The following ACTRT2 variants were observed in gnomAD, a reference collection of about 807,000 sequenced individuals.
ACTRT2 encodes the protein actin-related protein T2.
ACTRT2 carries 1 observed loss-of-function variant against 1.2 expected under a neutral mutation model. The ratio of observed to expected loss-of-function variants is 0.80; its 90% CI spans 0.29 to 3.81. ACTRT2 has a LOEUF of 3.81. ACTRT2 is among the 30% of genes most tolerant of loss of function. The probability of loss-of-function intolerance (pLI) is 0.18; values close to 1 mark genes in which losing one functional copy is unlikely to be tolerated. For synonymous variants in ACTRT2, 262 were observed against 228.9 expected, an observed-to-expected ratio of 1.14 and a Z score of -1.30; for missense variants, 488 against 497.9, an observed-to-expected ratio of 0.98 and a Z score of 0.19.
At position 3,022,838 on chromosome 1, in the gene ACTRT2, G is replaced by T. The variant is rs1430816497; in HGVS notation, c.*18G>T. 1 of 1,592,654 alleles carries T rather than the reference G, an allele frequency of 6.3e-7. No individual in the cohort carries two copies. Among genetic ancestry groups the T allele is most frequent in the Non-Finnish European group, 8.6e-7 (1 of 1,166,434 alleles). ...GCTTCTGAAGGCCGCTTCTCGTTGG[G>T]TACCGTGGGGGGTGAACCCTAGCCC... is the stretch of plus-strand genomic sequence containing the variant. On this transcript the variant is annotated 3_prime_UTR_variant, in exon 1 of 1. Transcript: ENST00000378404. The surrounding 1 kb of genome is among the most constrained non-coding windows in gnomAD (Gnocchi z 7.7).
chr1:3,022,388 G>A lies in ACTRT2; in HGVS notation c.702G>A (p.Arg234=), dbSNP rs1641089241. Residue 234 remains arginine, a synonymous_variant, in exon 1 of 1, where the codon AGG becomes AGA. Transcript: ENST00000378404. The surrounding 1 kb of genome is among the most constrained non-coding windows in gnomAD (Gnocchi z 7.7). ...AGCCCGAGAAGGAGCTTTCCCGGAG[G>A]CCGGAGGAGGTCCTGAGGGAGTACA... ...ALEPEKELSR[R]PEEVLREYKL... 2 of 1,612,796 alleles carry A rather than the reference G, an allele frequency of 1.2e-6. No individual in the cohort carries two copies.
Position 3,021,843 on chromosome 1 carries a change from CA to C in ACTRT2, c.158del (p.Gln53ArgfsTer27). ...CCAGGCTCCCTCAGCAGAGGCCAACCAGAAGAAGTACTTTGTGGGGGAGGAG... is the reference window on the plus strand; with the variant it reads ...CCAGGCTCCCTCAGCAGAGGCCAACCGAAGAAGTACTTTGTGGGGGAGGAG... Reference protein sequence around the residue: ...KFQAPSAEANQKKYFVGEEAL... With the variant: ...KFQAPSAEANXKKYFVGEEAL... On this transcript the variant is annotated frameshift_variant, in exon 1 of 1. Transcript: ENST00000378404. LOFTEE classifies it low-confidence loss of function (END_TRUNC). 3.1e-6 allele frequency: 5 copies of C among 1,613,240 alleles called. No individual in the cohort carries two copies. The highest frequency in any genetic ancestry group is 4.2e-6 in the Non-Finnish European group (5 of 1,179,932).
In ACTRT2 at chr1:3,022,255, C is replaced by A. The variant is rs774532554; in HGVS notation, c.569C>A (p.Thr190Lys). The A allele has an allele frequency of 1.2e-6, 2 of 1,612,902 alleles. No individual in the cohort carries two copies. Among genetic ancestry groups the A allele is most frequent in the Admixed American group, 3.3e-5 (2 of 60,022 alleles). The change falls in exon 1 of 1, where the codon ACG becomes AAG. Residue 190 changes from threonine to lysine, a missense_variant. Thr to Lys is a moderately conservative substitution (Grantham distance 78). Transcript: ENST00000378404. The surrounding 1 kb of genome is among the most constrained non-coding windows in gnomAD (Gnocchi z 7.7). ...TKLHVAGRDI[T>K]ELLMQLLLAS... ...CTCCACGTGGCGGGCAGGGACATCA[C>A]GGAGCTCCTCATGCAGCTGCTCCTG...
In ACTRT2 at chr1:3,022,649, G is replaced by T; in HGVS notation, c.963G>T (p.Gln321His). Reference sequence around the variant, plus strand: ...ACCGGCTTCTCAAGGAGCTGGAGCAGCTGGCCTCCAAGGACACCCCCATCA... The same window carrying T: ...ACCGGCTTCTCAAGGAGCTGGAGCATCTGGCCTCCAAGGACACCCCCATCA... Reference protein sequence around the residue: ...LDDRLLKELEQLASKDTPIKI... With the variant: ...LDDRLLKELEHLASKDTPIKI... The change falls in exon 1 of 1, where the codon CAG becomes CAT. Residue 321 changes from glutamine (Q) to histidine (H), a missense_variant. By Grantham distance (24) the Gln-to-His change is conservative (BLOSUM62 0). Transcript: ENST00000378404. The surrounding 1 kb of genome is among the most constrained non-coding windows in gnomAD (Gnocchi z 7.7). 19 of 1,613,248 alleles carry T rather than the reference G, an allele frequency of 1.2e-5. No individual in the cohort carries two copies. Among genetic ancestry groups the T allele is most frequent in the Non-Finnish European group, 1.6e-5 (19 of 1,180,038 alleles).
chr1:3,022,121 T>C lies in ACTRT2; in HGVS notation c.435T>C (p.Ala145=), dbSNP rs1411429781. The change falls in exon 1 of 1, where the codon GCT becomes GCC. Residue 145 remains alanine, a synonymous_variant. Coordinates refer to ENST00000378404, the MANE Select transcript of ACTRT2 (RefSeq NM_080431.5). This position sits in a 1 kb window ranked among gnomAD's most constrained non-coding sequence, Gnocchi z 7.7. ...AFYLSDQAVL[A]LYASACVTGL... is the part of the protein sequence containing the mutation. ...ACCTGTCGGACCAGGCGGTGCTGGCTCTCTACGCCTCTGCCTGTGTCACGG... is the reference window on the plus strand; with the variant it reads ...ACCTGTCGGACCAGGCGGTGCTGGCCCTCTACGCCTCTGCCTGTGTCACGG... 1 of 1,613,098 alleles carries C rather than the reference T, an allele frequency of 6.2e-7. No homozygotes were observed. Among genetic ancestry groups the C allele is most frequent in the Non-Finnish European group, 8.5e-7 (1 of 1,180,032 alleles).
rs1557759551 is a variant in ACTRT2, at chr1:3,022,524, G to A, written c.838G>A (p.Val280Ile). 6.2e-7 allele frequency: 1 copy of A among 1,612,948 alleles called. No homozygotes were observed. The change falls in exon 1 of 1, where the codon GTC becomes ATC. Residue 280 changes from valine (V) to isoleucine (I), a missense_variant. Coordinates refer to ENST00000378404, the MANE Select transcript of ACTRT2 (RefSeq NM_080431.5). The surrounding 1 kb of genome is among the most constrained non-coding windows in gnomAD (Gnocchi z 7.7). Reference protein sequence around the residue: ...GSQSPGLSNMVSSSITKCDTD... With the variant: ...GSQSPGLSNMISSSITKCDTD... ...CCAGAGCCCCGGGCTCTCGAATATG[G>A]TCTCCAGCAGCATCACCAAGTGTGA...
Position 3,021,679 on chromosome 1 carries a change from C to T in ACTRT2, c.-8C>T. The T allele has an allele frequency of 6.2e-7, 1 of 1,604,588 alleles. No homozygotes were observed. Among genetic ancestry groups the T allele is most frequent in the South Asian group, 1.1e-5 (1 of 89,960 alleles). Reference sequence around the variant, plus strand: ...TTTTGATGAGGCTGAGAAGGGAAGGCTGCGGGCATGTTTAATCCGCACGCT... The same window carrying T: ...TTTTGATGAGGCTGAGAAGGGAAGGTTGCGGGCATGTTTAATCCGCACGCT... On this transcript the variant is annotated 5_prime_UTR_variant, in exon 1 of 1. Coordinates refer to ENST00000378404, the MANE Select transcript of ACTRT2 (RefSeq NM_080431.5).
Position 3,021,716 on chromosome 1 carries a change from G to A in ACTRT2, c.30G>A (p.Pro10=), listed in dbSNP as rs537523674. MFNPHALDS[P]AVIFDNGSGF... is the part of the protein sequence containing the mutation. Reference sequence around the variant, plus strand: ...TTAATCCGCACGCTTTAGACTCCCCGGCTGTGATTTTTGACAATGGCTCGG... The same window carrying A: ...TTAATCCGCACGCTTTAGACTCCCCAGCTGTGATTTTTGACAATGGCTCGG... The change falls in exon 1 of 1, where the codon CCG becomes CCA. Residue 10 remains proline, a synonymous_variant. Transcript: ENST00000378404. 7.4e-6 allele frequency: 12 copies of A among 1,613,836 alleles called. No individual in the cohort carries two copies. Among genetic ancestry groups the A allele is most frequent in the Middle Eastern group, 1.7e-4 (1 of 6,036 alleles).
At position 3,022,153 on chromosome 1, in the gene ACTRT2, T is replaced by A. The variant is rs1350012568; in HGVS notation, c.467T>A (p.Val156Glu). 2 of 1,613,160 alleles carry A rather than the reference T, an allele frequency of 1.2e-6. No homozygotes were observed. Among genetic ancestry groups the A allele is most frequent in the Non-Finnish European group, 1.7e-6 (2 of 1,180,038 alleles). The change falls in exon 1 of 1, where the codon GTG (valine) becomes GAG (glutamate). Residue 156 changes from valine (V) to glutamate (E), a missense_variant. By Grantham distance (121) the Val-to-Glu change is moderately radical. Transcript: ENST00000378404. The surrounding 1 kb of genome is among the most constrained non-coding windows in gnomAD (Gnocchi z 7.7). Reference protein sequence around the residue: ...LYASACVTGLVVDSGDAVTCT... With the variant: ...LYASACVTGLEVDSGDAVTCT... ...GCCTCTGCCTGTGTCACGGGCCTGG[T>A]GGTGGACAGCGGGGATGCGGTCACC...
At position 3,022,846 on chromosome 1, in the gene ACTRT2, G is replaced by C. The variant is rs1303905075; in HGVS notation, c.*26G>C. Reference sequence around the variant, plus strand: ...AGGCCGCTTCTCGTTGGGTACCGTGGGGGGTGAACCCTAGCCCCAGCTTTG... The same window carrying C: ...AGGCCGCTTCTCGTTGGGTACCGTGCGGGGTGAACCCTAGCCCCAGCTTTG... On this transcript the variant is annotated 3_prime_UTR_variant, in exon 1 of 1. Coordinates refer to ENST00000378404, the MANE Select transcript of ACTRT2 (RefSeq NM_080431.5). This position sits in a 1 kb window ranked among gnomAD's most constrained non-coding sequence, Gnocchi z 7.7. The C allele has an allele frequency of 1.9e-6, 3 of 1,585,262 alleles. No individual in the cohort carries two copies. The African/African-American group carries it at 4.1e-5, about 21-fold the overall frequency.
Position 3,022,247 on chromosome 1 carries a change from G to C in ACTRT2, c.561G>C (p.Arg187Ser), listed in dbSNP as rs1374071143. The C allele has an allele frequency of 2.5e-6, 4 of 1,612,802 alleles. No individual in the cohort carries two copies. The South Asian group carries it at 3.3e-5, about 13-fold the overall frequency. ...TCACCAAGCTCCACGTGGCGGGCAGGGACATCACGGAGCTCCTCATGCAGC... is the reference window on the plus strand; with the variant it reads ...TCACCAAGCTCCACGTGGCGGGCAGCGACATCACGGAGCTCCTCATGCAGC... ...HAVTKLHVAG[R>S]DITELLMQLL... The change falls in exon 1 of 1, where the codon AGG becomes AGC. Residue 187 changes from arginine (R) to serine (S), a missense_variant. Transcript: ENST00000378404. This position sits in a 1 kb window ranked among gnomAD's most constrained non-coding sequence, Gnocchi z 7.7.
rs770208475 is a variant in ACTRT2 at position 3,022,414 on chromosome 1, A to G, written c.728A>G (p.Lys243Arg). The G allele has an allele frequency of 1.9e-6, 3 of 1,612,936 alleles. No individual in the cohort carries two copies. Among genetic ancestry groups the G allele is most frequent in the Non-Finnish European group, 2.5e-6 (3 of 1,180,030 alleles). The change falls in exon 1 of 1, where the codon AAG (lysine) becomes AGG (arginine). Residue 243 changes from lysine to arginine, a missense_variant. Coordinates refer to ENST00000378404, the MANE Select transcript of ACTRT2 (RefSeq NM_080431.5). This position sits in a 1 kb window ranked among gnomAD's most constrained non-coding sequence, Gnocchi z 7.7. ...RRPEEVLREY[K>R]LPDGNIISLG... is the part of the protein sequence containing the mutation. ...CCGGAGGAGGTCCTGAGGGAGTACA[A>G]GCTGCCCGACGGGAACATCATCAGC...
Position 3,022,606 on chromosome 1 carries a change from T to C in ACTRT2, c.920T>C (p.Leu307Pro), listed in dbSNP as rs1270585634. 6.2e-7 allele frequency: 1 copy of C among 1,613,032 alleles called. No homozygotes were observed. The highest frequency in any genetic ancestry group is 2.2e-5 in the East Asian group (1 of 44,864). ...ATTGTGCTGTCGGGGGGCACTACCCTGTTCCACGGGCTGGATGACCGGCTT... is the reference window on the plus strand; with the variant it reads ...ATTGTGCTGTCGGGGGGCACTACCCCGTTCCACGGGCTGGATGACCGGCTT... ...GEIVLSGGTT[L>P]FHGLDDRLLK... Residue 307 changes from leucine to proline, a missense_variant, in exon 1 of 1, where the codon CTG (leucine) becomes CCG (proline). Coordinates refer to ENST00000378404, the MANE Select transcript of ACTRT2 (RefSeq NM_080431.5). The surrounding 1 kb of genome is among the most constrained non-coding windows in gnomAD (Gnocchi z 7.7).
At position 3,022,347 on chromosome 1, in the gene ACTRT2, T is replaced by C; in HGVS notation, c.661T>C (p.Cys221Arg). 1.2e-6 allele frequency: 2 copies of C among 1,612,868 alleles called. No homozygotes were observed. The highest frequency in any genetic ancestry group is 2.2e-5 in the East Asian group (1 of 44,848). Residue 221 changes from cysteine (C) to arginine (R), a missense_variant, in exon 1 of 1, where the codon TGC becomes CGC. Transcript: ENST00000378404. The surrounding 1 kb of genome is among the most constrained non-coding windows in gnomAD (Gnocchi z 7.7). ...GLVDDIKKKLCYVALEPEKEL... is the reference protein window; with the variant it reads ...GLVDDIKKKLRYVALEPEKEL... ...CGTGGACGACATCAAAAAGAAGCTG[T>C]GCTACGTGGCCTTGGAGCCCGAGAA... is the stretch of plus-strand genomic sequence containing the variant.
chr1:3,021,630 G>GA lies in ACTRT2; in HGVS notation c.-57_-56insA. 6.4e-6 allele frequency: 10 copies of GA among 1,553,462 alleles called. No individual in the cohort carries two copies. The highest frequency in any genetic ancestry group is 6.9e-6 in the Non-Finnish European group (8 of 1,151,602). ...GTGGGATCCCCTATTGCATCACAAA[G>GA]CGGCCCTGGAGGGCTGGTCTTTATT... is the stretch of plus-strand genomic sequence containing the variant. On this transcript the variant is annotated 5_prime_UTR_variant, in exon 1 of 1. Transcript: ENST00000378404.
rs61745279 is a variant in ACTRT2 at position 3,022,322 on chromosome 1, C to T, written c.636C>T (p.Leu212=). ...TCCCCTGCCAGCTGGACAAGGGTCT[C>T]GTGGACGACATCAAAAAGAAGCTGT... ...HTFPCQLDKG[L]VDDIKKKLCY... The change falls in exon 1 of 1, where the codon CTC becomes CTT. Residue 212 remains leucine, a synonymous_variant. Transcript: ENST00000378404. This position sits in a 1 kb window ranked among gnomAD's most constrained non-coding sequence, Gnocchi z 7.7. The T allele has an allele frequency of 4.3e-5, 70 of 1,612,810 alleles. No individual in the cohort carries two copies. The highest frequency in any genetic ancestry group is 1.6e-4 in the Middle Eastern group (1 of 6,084).
rs1027105182 is a variant in ACTRT2 at position 3,021,617 on chromosome 1, A to G, written c.-70A>G. On this transcript the variant is annotated 5_prime_UTR_variant, in exon 1 of 1. Coordinates refer to ENST00000378404, the MANE Select transcript of ACTRT2 (RefSeq NM_080431.5). ...TGTGGGAAGAGCTGTGGGATCCCCT[A>G]TTGCATCACAAAGCGGCCCTGGAGG... 4.5e-6 allele frequency: 7 copies of G among 1,541,316 alleles called. No homozygotes were observed. The African/African-American group carries it at 6.9e-5, about 15-fold the overall frequency.
rs755066337 is a variant in ACTRT2 at position 3,021,995 on chromosome 1, C to A, written c.309C>A (p.Ser103Arg). 1 of 1,613,498 alleles carries A rather than the reference C, an allele frequency of 6.2e-7. No homozygotes were observed. The highest frequency in any genetic ancestry group is 8.5e-7 in the Non-Finnish European group (1 of 1,180,034). ...LFEWELGVKP[S>R]DQPLLATEPS... is the part of the protein sequence containing the mutation. The stretch of plus-strand genomic sequence containing the variant: ...AGTGGGAGCTAGGCGTGAAACCCAG[C>A]GACCAGCCCCTGCTTGCAACGGAGC... The change falls in exon 1 of 1, where the codon AGC (serine) becomes AGA (arginine). Residue 103 changes from serine (S) to arginine (R), a missense_variant. Coordinates refer to ENST00000378404, the MANE Select transcript of ACTRT2 (RefSeq NM_080431.5).
At position 3,021,823 on chromosome 1, in the gene ACTRT2, C is replaced by A; in HGVS notation, c.137C>A (p.Ala46Asp). 1 of 1,613,010 alleles carries A rather than the reference C, an allele frequency of 6.2e-7. No individual in the cohort carries two copies. Among genetic ancestry groups the A allele is most frequent in the Non-Finnish European group, 8.5e-7 (1 of 1,179,820 alleles). Residue 46 changes from alanine to aspartate, a missense_variant, in exon 1 of 1, where the codon GCT becomes GAT. Ala to Asp is a moderately radical substitution (Grantham distance 126). Transcript: ENST00000378404. ...SSIVGHLKFQ[A>D]PSAEANQKKY... ...ATCGTGGGGCACCTGAAATTCCAGG[C>A]TCCCTCAGCAGAGGCCAACCAGAAG...
Sources: gnomAD v4.1 joint callset for allele counts on GRCh38, gnomAD v4.1.1 for gene constraint, Gnocchi (gnomAD v3.1) non-coding constraint, MANE v1.5 for transcripts, NCBI Gene and HGNC (gene_info 2026-07-23, HGNC 2026-07-21) for gene names.